Variants in LIN7A observed in about 807,000 individuals in gnomAD.
LIN7A encodes lin-7 cell polarity scaffold A.
A neutral mutation model predicts 29.8 loss-of-function variants in LIN7A; 25 were observed. The observed-to-expected ratio is 0.84, with a 90% CI of 0.61 to 1.17. LIN7A has a LOEUF of 1.17. Ranked by LOEUF, LIN7A falls within the 50% of genes most tolerant of loss-of-function variation. The pLI is 0.00. For missense variants in LIN7A, 239 were observed against 287.0 expected (o/e 0.83, Z 1.21); for synonymous variants, 118 against 107.5 (o/e 1.10, Z -0.60).
At position 80,814,773 on chromosome 12, in the gene LIN7A, C is replaced by A. The variant is rs150407760; in HGVS notation, c.484-3090G>T. Among the ~76,000 whole-genome samples, 1,058 of 152,254 alleles carry A rather than the reference C, an allele frequency of 6.9e-3. 14 individuals are homozygous for A. The highest frequency in any genetic ancestry group is 0.024 in the African/African-American group (1,005 of 41,556). ...TATCAAAAGCAGACTCCACAGTTTT[C>A]AATTCCAGAAATTTTGCCTTCATGC... On this transcript the variant is annotated intron_variant, in intron 4 of 5. Coordinates refer to ENST00000552864, the MANE Select transcript of LIN7A (RefSeq NM_004664.4).
chr12:80,793,737 G>C lies in LIN7A; in HGVS notation c.*3990C>G, dbSNP rs1262992030. On this transcript the variant is annotated 3_prime_UTR_variant, in exon 6 of 6. Coordinates refer to ENST00000552864, the MANE Select transcript of LIN7A (RefSeq NM_004664.4). ...AAATGATCTTTTGAAAATAGGAAGA[G>C]ATTTAGGGATGGTGTCTCCAATTAT... 1 of 152,160 alleles carries C rather than the reference G, an allele frequency of 6.6e-6. No homozygotes were observed. Among genetic ancestry groups the C allele is most frequent in the African/African-American group, 2.4e-5 (1 of 41,440 alleles). 9.4% of individuals were successfully genotyped at this position (152,160 alleles called of 1,614,324 possible).
chr12:80,814,300 G>T (rs1264964925), intron 4 of LIN7A, among the ~76,000 whole-genome samples: 1 of 151,988 alleles, frequency 6.6e-6, no homozygotes, highest in African/African-American at 2.4e-5. Flanking sequence ...TTTATAACTG[G>T]TCCCATGATG....
intron 1 of LIN7A, among the ~76,000 whole-genome samples, chr12:80,927,632 T>C (rs1437810958): frequency 1.3e-5 from 2 of 152,190 alleles, no homozygotes; most frequent in African/African-American, 2.4e-5. Flanking sequence ...ACCTCTTATA[T>C]GACAAATAAA....
At chr12:80,827,142 CT>C (rs1872118025) in intron 4 of LIN7A, among the ~76,000 whole-genome samples, 1 of 152,140 alleles carries the variant, frequency 6.6e-6, no homozygotes, top group Non-Finnish European at 1.5e-5. Flanking sequence ...AATCCCAGCA[CT>C]TTGAGAGGCC....
intron 4 of LIN7A, among the ~76,000 whole-genome samples, chr12:80,843,347 G>A (rs1027501883): frequency 6.6e-6 from 1 of 152,076 alleles, no homozygotes; most frequent in Admixed American, 6.5e-5. Context: ...CTGAATATAA[G>A]GGTAACAAAG....
intron 1 of LIN7A, among the ~76,000 whole-genome samples, chr12:80,919,041 CTATCTAGGTTTT>C: frequency 6.6e-6 from 1 of 152,310 alleles, no homozygotes; most frequent in East Asian, 1.9e-4. Flanking sequence ...ATAGGCTATA[CTATCTAGGTTTT>C]TATAAGTACA....
At chr12:80,819,505 G>A (rs1433752429) in intron 4 of LIN7A, among the ~76,000 whole-genome samples, 2 of 152,126 alleles carry the variant, frequency 1.3e-5, no homozygotes, top group African/African-American at 4.8e-5. Flanking sequence ...TCCAAGAGCA[G>A]GATGAGTCTA....
At chr12:80,919,662 A>C (rs1318244915) in intron 1 of LIN7A, among the ~76,000 whole-genome samples, 1 of 152,222 alleles carries the variant, frequency 6.6e-6, no homozygotes, top group Admixed American at 6.5e-5. Flanking sequence ...AAACAGTCCT[A>C]GTCCTGAAAT....
At chr12:80,825,739 A>G (rs1235980413) in intron 4 of LIN7A, among the ~76,000 whole-genome samples, 3 of 149,490 alleles carry the variant, frequency 2.0e-5, no homozygotes, top group Admixed American at 6.7e-5. Context: ...ATCAGAATAG[A>G]TTTTTTTTTT....
At chr12:80,837,599 T>G (rs1318924046) in intron 4 of LIN7A, among the ~76,000 whole-genome samples, 5 of 152,320 alleles carry the variant, frequency 3.3e-5, no homozygotes, top group African/African-American at 1.2e-4. Context: ...CTAGTGAAAC[T>G]GATTTGGGAT....
chr12:80,830,921 CCA>C (rs1183340829), intron 4 of LIN7A, among the ~76,000 whole-genome samples: 1 of 152,182 alleles, frequency 6.6e-6, no homozygotes, highest in Admixed American at 6.5e-5. Flanking sequence ...CTGACCGGCA[CCA>C]CACTCTCCCT....
intron 2 of LIN7A, among the ~76,000 whole-genome samples, chr12:80,883,017 A>G (rs1258275920): frequency 1.3e-5 from 2 of 152,118 alleles, no homozygotes; most frequent in African/African-American, 4.8e-5. Flanking sequence ...TATTACAATA[A>G]GCTATGATTC....
In LIN7A at chr12:80,856,500, C is replaced by T. The variant is rs556133500; in HGVS notation, c.202-8178G>A. Among the ~76,000 whole-genome samples the T allele has an allele frequency of 5.3e-5, 8 of 152,268 alleles. No individual in the cohort carries two copies. The South Asian group carries it at 8.3e-4, about 16-fold the overall frequency. On this transcript the variant is annotated intron_variant, in intron 2 of 5. Transcript: ENST00000552864. ...CTCCTAGGTTCAGTGGTAACTGTGC[C>T]ATGTGAAATACTCTTTATGTCCTCA...
At chr12:80,812,016 AAAATT>A (rs1271592590) in intron 4 of LIN7A, among the ~76,000 whole-genome samples, 3 of 152,166 alleles carry the variant, frequency 2.0e-5, no homozygotes, top group Non-Finnish European at 4.4e-5. Flanking sequence ...AATTTTGAAA[AAAATT>A]AAAACATAGT....
At chr12:80,829,912 C>T (rs1872263758) in intron 4 of LIN7A, among the ~76,000 whole-genome samples, 1 of 152,340 alleles carries the variant, frequency 6.6e-6, no homozygotes, top group South Asian at 2.1e-4. Context: ...TTCTAAACCA[C>T]TCTTCACATT....
intron 5 of LIN7A, among the ~76,000 whole-genome samples, chr12:80,807,539 A>G (rs954379002): frequency 6.6e-6 from 1 of 152,248 alleles, no homozygotes. Context: ...TATTTCTTTC[A>G]AAATACTTGC....
intron 1 of LIN7A, among the ~76,000 whole-genome samples, chr12:80,929,215 A>G (rs989887504): frequency 6.6e-6 from 1 of 152,206 alleles, no homozygotes; most frequent in African/African-American, 2.4e-5. Flanking sequence ...CTCTTAAACC[A>G]GATTATTCCA....
intron 4 of LIN7A, among the ~76,000 whole-genome samples, chr12:80,817,257 C>T (rs565554467): frequency 6.6e-6 from 1 of 151,532 alleles, no homozygotes; most frequent in African/African-American, 2.4e-5. Flanking sequence ...TGAATTTGCT[C>T]ATGACATGTG....
intron 1 of LIN7A, among the ~76,000 whole-genome samples, chr12:80,935,549 T>G (rs1160523620): frequency 2.0e-5 from 3 of 152,206 alleles, no homozygotes; most frequent in Non-Finnish European, 4.4e-5. Context: ...TCTTTAAAAA[T>G]GCACCTTTTT....
Sources: allele counts gnomAD v4.1 joint callset (sites outside exome capture counted in the v4.1 genomes callset), GRCh38; gene constraint gnomAD v4.1.1; transcripts MANE v1.5; gene names NCBI Gene and HGNC (gene_info 2026-07-23, HGNC 2026-07-21).